ZNF98: variants seen among roughly 807,000 people sequenced by gnomAD.
ZNF98 encodes the protein zinc finger protein 739.
ZNF98 carries 8 observed loss-of-function variants against 12.8 expected under a neutral mutation model. The observed-to-expected ratio is 0.63, with a 90% CI of 0.37 to 1.13. The LOEUF is 1.13. Ranked by LOEUF, ZNF98 falls within the 50% of genes most tolerant of loss-of-function variation. The pLI, the probability that ZNF98 is intolerant of heterozygous loss-of-function variation, is 0.01. For missense variants in ZNF98, 379 were observed against 666.1 expected, an observed-to-expected ratio of 0.57 and a Z score of 4.74; for synonymous variants, 112 against 223.5, an observed-to-expected ratio of 0.50 and a Z score of 4.45.
At chr19:22,396,401 G>C (rs543447659) in intron 3 of ZNF98, among the ~76,000 whole-genome samples, 8 of 152,098 alleles carry the variant, frequency 5.3e-5, no homozygotes, top group African/African-American at 1.9e-4. Flanking sequence ...ATATACAAAA[G>C]TGAATTAGAA....
At chr19:22,408,733 T>C (rs547728466) in intron 1 of ZNF98, among the ~76,000 whole-genome samples, 6 of 152,138 alleles carry the variant, frequency 3.9e-5, no homozygotes, top group South Asian at 2.1e-4. Flanking sequence ...TAACAGGGAA[T>C]ATGAAGGACC....
chr19:22,408,286 G>A (rs1221656380), intron 1 of ZNF98, among the ~76,000 whole-genome samples: 1 of 152,108 alleles, frequency 6.6e-6, no homozygotes, highest in Non-Finnish European at 1.5e-5. Context: ...GGTGTTGATG[G>A]AACATATCTC....
At chr19:22,410,559 A>G (rs1293367624) in intron 1 of ZNF98, among the ~76,000 whole-genome samples, 1 of 152,210 alleles carries the variant, frequency 6.6e-6, no homozygotes, top group Non-Finnish European at 1.5e-5. Context: ...ATGAGAACAC[A>G]TGGACACAGG....
chr19:22,418,797 G>T (rs552752795), intron 1 of ZNF98, among the ~76,000 whole-genome samples: 4 of 152,162 alleles, frequency 2.6e-5, no homozygotes, highest in Admixed American at 2.6e-4. Flanking sequence ...CAGGAGAATC[G>T]CTTGAACCCA....
At chr19:22,403,557 A>C (rs2957820) in intron 1 of ZNF98, 45 bp from the exon 2 acceptor site, 1 of 1,534,916 alleles carries the variant, frequency 6.5e-7, no homozygotes, top group African/African-American at 1.5e-5. Flanking sequence ...AAGTGGCCAT[A>C]AACAGAATTT....
chr19:22,393,970 A>G (rs1471421314), intron 3 of ZNF98, among the ~76,000 whole-genome samples: 1 of 151,088 alleles, frequency 6.6e-6, no homozygotes, highest in East Asian at 1.9e-4. Context: ...ATCTACAAAG[A>G]ACTTAAACAA....
chr19:22,414,402 T>C (rs1969617629), intron 1 of ZNF98, among the ~76,000 whole-genome samples: 1 of 152,086 alleles, frequency 6.6e-6, no homozygotes, highest in Non-Finnish European at 1.5e-5. Flanking sequence ...TTAAAACTTA[T>C]ATGGTACCAA....
intron 1 of ZNF98, among the ~76,000 whole-genome samples, chr19:22,409,913 C>CAAAAAAAAAA (rs71180546): frequency 1.1e-5 from 1 of 89,428 alleles, no homozygotes; most frequent in African/African-American, 4.4e-5. Context: ...CTCTATCTCA[C>CAAAAAAAAAA]AAAAAAAAAA....
rs1259277122 is a variant in ZNF98 at position 22,402,802 on chromosome 19, T to G, written c.240A>C (p.Val80=). 1 of 1,597,324 alleles carries G rather than the reference T, an allele frequency of 6.3e-7. No homozygotes were observed. Among genetic ancestry groups the G allele is most frequent in the Non-Finnish European group, 8.5e-7 (1 of 1,174,498 alleles). The change falls in exon 3 of 4, where the codon GTA becomes GTC. Residue 80 remains valine, a synonymous_variant. Coordinates refer to ENST00000357774, the MANE Select transcript of ZNF98 (RefSeq NM_001098626.2). ...EPWNVKRHEM[V]TEPPVVYSYF... ...ACTCTCACCTACCTGGGGGTTCAGT[T>G]ACCATCTCATGTCTCTTCACATTCC...
intron 1 of ZNF98, among the ~76,000 whole-genome samples, chr19:22,418,959 T>C (rs1969674863): frequency 6.6e-6 from 1 of 152,206 alleles, no homozygotes; most frequent in Non-Finnish European, 1.5e-5. Context: ...CTCCGCCCCA[T>C]AGGCTCCTTA....
chr19:22,407,079 CAG>C (rs1036129706), intron 1 of ZNF98, among the ~76,000 whole-genome samples: 4 of 151,204 alleles, frequency 2.6e-5, no homozygotes, highest in African/African-American at 9.7e-5. Flanking sequence ...ACCAGTTAGA[CAG>C]AGTCTCACTC....
chr19:22,417,504 GA>G (rs1417808902), intron 1 of ZNF98, among the ~76,000 whole-genome samples: 107 of 152,230 alleles, frequency 7.0e-4, no homozygotes, highest in Non-Finnish European at 8.8e-5. Flanking sequence ...CTATGAGTGG[GA>G]AACAGTGCAA....
At chr19:22,399,993 A>C (rs560633790) in intron 3 of ZNF98, among the ~76,000 whole-genome samples, 1 of 152,268 alleles carries the variant, frequency 6.6e-6, no homozygotes, top group African/African-American at 2.4e-5. Context: ...GCTAATGCCC[A>C]AGATTGAGGA....
intron 3 of ZNF98, among the ~76,000 whole-genome samples, chr19:22,401,229 A>T (rs1276828061): frequency 2.0e-5 from 3 of 152,096 alleles, no homozygotes; most frequent in African/African-American, 4.8e-5. Context: ...ACCTAATTAA[A>T]GTAATAATTA....
intron 1 of ZNF98, among the ~76,000 whole-genome samples, chr19:22,416,143 CA>C (rs1477248923): frequency 4.7e-5 from 7 of 150,052 alleles, no homozygotes; most frequent in Non-Finnish European, 1.5e-5. Context: ...GACTCCGTCT[CA>C]AAAAAACAAA....
intron 1 of ZNF98, among the ~76,000 whole-genome samples, chr19:22,421,568 C>T (rs1969704245): frequency 6.6e-6 from 1 of 152,140 alleles, no homozygotes; most frequent in Non-Finnish European, 1.5e-5. Context: ...CAAGTAAGTT[C>T]TGATTACACA....
chr19:22,402,735 A>G (rs1376661248), intron 3 of ZNF98, 54 bp downstream of exon 3: 4 of 1,219,080 alleles, frequency 3.3e-6, no homozygotes, highest in Non-Finnish European at 3.4e-6. Flanking sequence ...TTTTTTTTCT[A>G]CTTTGGAGCT....
At chr19:22,401,973 C>T (rs1210139802) in intron 3 of ZNF98, among the ~76,000 whole-genome samples, 10 of 149,462 alleles carry the variant, frequency 6.7e-5, no homozygotes, top group African/African-American at 1.5e-4. Flanking sequence ...TCTAGGAGTT[C>T]GAGACCAGCC....
intron 1 of ZNF98, among the ~76,000 whole-genome samples, chr19:22,410,604 G>A (rs1050935416): frequency 6.6e-6 from 1 of 152,210 alleles, no homozygotes; most frequent in African/African-American, 2.4e-5. Context: ...CTGTTGTGAA[G>A]TGGGGGCAAG....
Sources: allele counts gnomAD v4.1 joint callset (sites outside exome capture counted in the v4.1 genomes callset), GRCh38; gene constraint gnomAD v4.1.1; transcripts MANE v1.5; gene names NCBI Gene and HGNC (gene_info 2026-07-23, HGNC 2026-07-21).